Variants in PATJ observed in about 807,000 individuals in gnomAD.
PATJ encodes the protein PATJ crumbs cell polarity complex component, also known as inaD-like protein.
PATJ carries 190 observed loss-of-function variants against 224.9 expected under a neutral mutation model. The ratio of observed to expected loss-of-function variants is 0.84; its 90% CI spans 0.75 to 0.95. The LOEUF is 0.95. Ranked by LOEUF, PATJ falls within the 40% of genes least tolerant of loss-of-function variation. The pLI is 0.00. For missense variants in PATJ, 2,121 were observed against 2,270.3 expected (o/e 0.93, Z 1.34); for synonymous variants, 769 against 820.3 (o/e 0.94, Z 1.07).
chr1:62,152,209 G>A (rs1001142362), intron 42 of PATJ, among the ~76,000 whole-genome samples: 4 of 152,178 alleles, frequency 2.6e-5, no homozygotes, highest in African/African-American at 9.6e-5. Flanking sequence ...TACAGTCAGT[G>A]CCAAAATGGA....
intron 20 of PATJ, among the ~76,000 whole-genome samples, chr1:61,873,958 T>C (rs1403637288): frequency 6.6e-6 from 1 of 152,192 alleles, no homozygotes; most frequent in African/African-American, 2.4e-5. Flanking sequence ...CTCTCTTTGC[T>C]GAGAGCTTTC....
chr1:62,109,841 T>C (rs1663580503), intron 34 of PATJ, among the ~76,000 whole-genome samples: 4 of 152,228 alleles, frequency 2.6e-5, no homozygotes, highest in Admixed American at 2.6e-4. Flanking sequence ...AGTACCCATC[T>C]GGCAAAACCT....
At chr1:62,116,704 C>T (rs1224033840) in intron 36 of PATJ, 25 bp downstream of exon 36, 1 of 1,588,094 alleles carries the variant, frequency 6.3e-7, no homozygotes, top group Non-Finnish European at 8.6e-7. Flanking sequence ...TGCTTTTTAC[C>T]CAGCTGGCAC....
rs200130979 is a variant in PATJ, at chr1:61,884,416, A to G, written c.3131+8A>G. Reference sequence around the variant, plus strand: ...ATATGCCACTGATACATGGTATGATATCATTTCTCTTTGTTTTCACATTAT... The same window carrying G: ...ATATGCCACTGATACATGGTATGATGTCATTTCTCTTTGTTTTCACATTAT... On this transcript the variant is annotated splice_region_variant and intron_variant, in intron 22 of 43. Transcript: ENST00000642238. The G allele has an allele frequency of 5.5e-4, 770 of 1,401,992 alleles. No individual in the cohort carries two copies. The highest frequency in any genetic ancestry group is 7.1e-4 in the Non-Finnish European group (744 of 1,045,544). The allele number at this position is 1,401,992 out of a possible 1,614,324, so 86.8% of individuals were successfully genotyped here.
intron 24 of PATJ, 75 bp downstream of exon 24, chr1:61,901,534 C>T (rs1671149915): frequency 9.0e-7 from 1 of 1,110,032 alleles, no homozygotes; most frequent in Non-Finnish European, 1.3e-6. Context: ...GCTAGAAGAC[C>T]TTTCTTTATG....
At chr1:61,793,800 ATAAAT>A (rs1385866697) in intron 9 of PATJ, among the ~76,000 whole-genome samples, 1 of 152,094 alleles carries the variant, frequency 6.6e-6, no homozygotes, top group East Asian at 1.9e-4. Context: ...AAGTCAAAAA[ATAAAT>A]TTGGGCAGAT....
At chr1:61,919,891 G>C (rs1424075592) in intron 26 of PATJ, among the ~76,000 whole-genome samples, 1 of 152,066 alleles carries the variant, frequency 6.6e-6, no homozygotes, top group Admixed American at 6.6e-5. Context: ...TAATGGCCTA[G>C]TACATAGTTA....
chr1:62,027,628 C>CTTTTTTTT (rs57019359), intron 29 of PATJ, among the ~76,000 whole-genome samples: 1 of 109,838 alleles, frequency 9.1e-6, no homozygotes, highest in Non-Finnish European at 1.7e-5. Flanking sequence ...GCCAACATTC[C>CTTTTTTTT]TTTTTTTTTT....
chr1:61,833,498 C>G (rs1434419842), intron 16 of PATJ, 156 bp from the exon 17 acceptor site: 9 of 610,822 alleles, frequency 1.5e-5, no homozygotes, highest in Non-Finnish European at 2.4e-5. Context: ...GTGTGTGCCC[C>G]AGAGCATGCC....
At chr1:61,823,195 T>C (rs569918853) in intron 15 of PATJ, 116 bp downstream of exon 15, 2 of 1,008,286 alleles carry the variant, frequency 2.0e-6, no homozygotes, top group African/African-American at 3.2e-5. Flanking sequence ...AATATGAGCC[T>C]CTTAGATTGA....
intron 28 of PATJ, among the ~76,000 whole-genome samples, chr1:61,993,582 T>A (rs1440938460): frequency 6.6e-6 from 1 of 151,834 alleles, no homozygotes; most frequent in Non-Finnish European, 1.5e-5. Flanking sequence ...AAAGACACTC[T>A]TGTTACCCAA....
chr1:62,012,307 A>G (rs1397198261), intron 28 of PATJ, among the ~76,000 whole-genome samples: 1 of 152,250 alleles, frequency 6.6e-6, no homozygotes, highest in Non-Finnish European at 1.5e-5. Context: ...CACCTTGGGC[A>G]AATTATAGTT....
intron 27 of PATJ, among the ~76,000 whole-genome samples, chr1:61,928,937 A>G (rs1204858013): frequency 6.6e-6 from 1 of 152,154 alleles, no homozygotes; most frequent in Non-Finnish European, 1.5e-5. Context: ...GTTGAATACC[A>G]TCTGCTTTTT....
At chr1:61,949,704 C>G (rs569239945) in intron 27 of PATJ, among the ~76,000 whole-genome samples, 1 of 151,658 alleles carries the variant, frequency 6.6e-6, no homozygotes, top group Admixed American at 6.6e-5. Flanking sequence ...GTTAAGAGTT[C>G]GAGACCAGCC....
intron 21 of PATJ, among the ~76,000 whole-genome samples, chr1:61,881,558 T>A (rs1668104579): frequency 6.6e-6 from 1 of 151,896 alleles, no homozygotes; most frequent in Non-Finnish European, 1.5e-5. Context: ...ATTACAGGTG[T>A]GTGCCACCAC....
chr1:61,798,889 GA>G (rs915015529), intron 11 of PATJ, among the ~76,000 whole-genome samples: 380 of 140,784 alleles, frequency 2.7e-3, no homozygotes, highest in African/African-American at 8.0e-3. Context: ...TCTCTTAAAA[GA>G]AAAAAAAAAA....
At chr1:61,869,251 C>T (rs897273189) in intron 20 of PATJ, among the ~76,000 whole-genome samples, 10 of 149,340 alleles carry the variant, frequency 6.7e-5, no homozygotes, top group South Asian at 6.5e-4. Context: ...GGACTACAGG[C>T]GCCCGCCACT....
chr1:61,885,512 A>AAC lies in PATJ; in HGVS notation c.3131+1105_3131+1106insCA, dbSNP rs568040958. Among the ~76,000 whole-genome samples, 1,319 of 151,738 alleles carry AAC rather than the reference A, an allele frequency of 8.7e-3. 18 individuals carry two copies. Among genetic ancestry groups the AAC allele is most frequent in the African/African-American group, 0.03 (1,240 of 41,550 alleles). On this transcript the variant is annotated intron_variant, in intron 22 of 43. Transcript: ENST00000642238. ...ACACCAGTTAGAATGGCAATCATTCAAAAGTCAGGAAACAACAGGTGCTGG... is the reference window on the plus strand; with the variant it reads ...ACACCAGTTAGAATGGCAATCATTCAACAAAGTCAGGAAACAACAGGTGCTGG...
chr1:61,980,221 G>A (rs115879872), intron 27 of PATJ, among the ~76,000 whole-genome samples: 3,467 of 151,930 alleles, frequency 0.023, 120 homozygotes, highest in African/African-American at 0.055. Context: ...GGAGGTTGGG[G>A]CTGCAGTGAG....
Sources: gnomAD v4.1 joint callset for allele counts (sites outside exome capture counted in the v4.1 genomes callset) on GRCh38, gnomAD v4.1.1 for gene constraint, MANE v1.5 for transcripts, NCBI Gene and HGNC (gene_info 2026-07-23, HGNC 2026-07-21) for gene names.